SNTG1: variants seen among roughly 807,000 people sequenced by gnomAD.
The protein encoded by SNTG1 is syntrophin gamma 1.
SNTG1 carries 39 observed loss-of-function variants against 74.7 expected under a neutral mutation model. The observed-to-expected ratio is 0.52, with a 90% CI of 0.40 to 0.68. SNTG1 has a LOEUF of 0.68. Ranked by LOEUF, SNTG1 falls within the 30% of genes least tolerant of loss-of-function variation. The pLI is 0.00. For synonymous variants in SNTG1, 254 were observed against 217.1 expected, an observed-to-expected ratio of 1.17 and a Z score of -1.49; for missense variants, 685 against 609.5, an observed-to-expected ratio of 1.12 and a Z score of -1.30.
chr8:50,764,987 G>A (rs769701941), intron 18 of SNTG1, among the ~76,000 whole-genome samples: 4 of 151,804 alleles, frequency 2.6e-5, no homozygotes, highest in Non-Finnish European at 4.4e-5. Context: ...AGAATCTGGG[G>A]GACATTATGC....
At chr8:49,984,086 T>A (rs1424410167) in intron 1 of SNTG1, among the ~76,000 whole-genome samples, 5 of 152,244 alleles carry the variant, frequency 3.3e-5, no homozygotes, top group African/African-American at 1.2e-4. Context: ...CTGTTTGGAA[T>A]GAAGCTCAAA....
chr8:50,152,676 G>T (rs1015765166), intron 1 of SNTG1, among the ~76,000 whole-genome samples: 1 of 152,122 alleles, frequency 6.6e-6, no homozygotes, highest in Non-Finnish European at 1.5e-5. Context: ...AACTTAATTT[G>T]ACTGGATATG....
intron 2 of SNTG1, among the ~76,000 whole-genome samples, chr8:50,196,809 A>C (rs552038862): frequency 9.9e-5 from 15 of 151,594 alleles, no homozygotes; most frequent in African/African-American, 3.1e-4. Flanking sequence ...ATACAAAAAA[A>C]AAAAAACAAA....
At chr8:50,058,924 T>C (rs536323732) in intron 1 of SNTG1, among the ~76,000 whole-genome samples, 1 of 152,224 alleles carries the variant, frequency 6.6e-6, no homozygotes, top group Admixed American at 6.6e-5. Context: ...CCTTAACCCC[T>C]AGTAAGCAAT....
chr8:50,196,977 G>A (rs1431847561), intron 2 of SNTG1, among the ~76,000 whole-genome samples: 1 of 151,850 alleles, frequency 6.6e-6, no homozygotes, highest in Non-Finnish European at 1.5e-5. Context: ...GCCAGATTCT[G>A]TCTCAAAATA....
At chr8:50,342,748 A>G (rs16914726) in intron 2 of SNTG1, among the ~76,000 whole-genome samples, 7,310 of 152,244 alleles carry the variant, frequency 0.048, 390 homozygotes, top group South Asian at 0.16. Context: ...TTTGCAAGAA[A>G]AAAAGGATCA....
At position 50,702,238 on chromosome 8, in the gene SNTG1, G is replaced by A. The variant is rs535835766; in HGVS notation, c.1039-2362G>A. 7.2e-5 allele frequency among the ~76,000 whole-genome samples: 11 copies of A among 152,124 alleles called. 1 individual carries two copies. Among genetic ancestry groups the A allele is most frequent in the African/African-American group, 2.6e-4 (11 of 41,510 alleles). On this transcript the variant is annotated intron_variant, in intron 15 of 18. Transcript: ENST00000642720. The stretch of plus-strand genomic sequence containing the variant: ...ATTATCTCTCATTGTTCCCTCCATA[G>A]ATATTATAACCCCAAAACTACTAAA...
intron 1 of SNTG1, among the ~76,000 whole-genome samples, chr8:50,075,017 CAG>C (rs1001094739): frequency 2.0e-5 from 3 of 152,226 alleles, no homozygotes; most frequent in African/African-American, 7.2e-5. Flanking sequence ...CCAGCAGCTG[CAG>C]AGGGTACACT....
chr8:50,543,137 GA>G (rs2094360491), intron 11 of SNTG1, among the ~76,000 whole-genome samples: 1 of 152,078 alleles, frequency 6.6e-6, no homozygotes, highest in African/African-American at 2.4e-5. Flanking sequence ...ACGTCTTACA[GA>G]AAACATCTTA....
chr8:50,263,012 G>T (rs991726617), intron 2 of SNTG1, among the ~76,000 whole-genome samples: 1 of 152,074 alleles, frequency 6.6e-6, no homozygotes, highest in African/African-American at 2.4e-5. Context: ...AAAATACTCC[G>T]TTTAGCAGTC....
At chr8:50,478,333 T>C (rs2093712760) in intron 8 of SNTG1, among the ~76,000 whole-genome samples, 1 of 152,224 alleles carries the variant, frequency 6.6e-6, no homozygotes, top group Admixed American at 6.5e-5. Context: ...GCTTTAGGAT[T>C]AATCTTGTAT....
intron 1 of SNTG1, among the ~76,000 whole-genome samples, chr8:50,050,161 C>A (rs1563522903): frequency 6.6e-6 from 1 of 151,554 alleles, no homozygotes; most frequent in South Asian, 2.1e-4. Flanking sequence ...AAAGCAAAGG[C>A]TGGCTCTTTG....
chr8:50,013,487 ATAG>A (rs1165730600), intron 1 of SNTG1, among the ~76,000 whole-genome samples: 4 of 151,844 alleles, frequency 2.6e-5, no homozygotes, highest in Non-Finnish European at 5.9e-5. Context: ...AGATAGATAG[ATAG>A]ATAGATAGAT....
At chr8:50,476,159 T>C (rs1290670905) in intron 8 of SNTG1, among the ~76,000 whole-genome samples, 1 of 152,182 alleles carries the variant, frequency 6.6e-6, no homozygotes, top group Non-Finnish European at 1.5e-5. Flanking sequence ...TACTTAATTA[T>C]GGTTCCAAAG....
At chr8:49,947,860 G>C (rs1290824416) in intron 1 of SNTG1, among the ~76,000 whole-genome samples, 1 of 152,196 alleles carries the variant, frequency 6.6e-6, no homozygotes, top group African/African-American at 2.4e-5. Context: ...GCCTGGCGCG[G>C]TGGCTCATGC....
At chr8:50,629,396 T>A (rs1252062829) in intron 13 of SNTG1, among the ~76,000 whole-genome samples, 1 of 152,132 alleles carries the variant, frequency 6.6e-6, no homozygotes, top group South Asian at 2.1e-4. Context: ...TCAAATGAGA[T>A]GATTTTTTTC....
intron 1 of SNTG1, among the ~76,000 whole-genome samples, chr8:49,932,564 A>G (rs1213441295): frequency 1.3e-5 from 2 of 152,056 alleles, no homozygotes; most frequent in African/African-American, 4.8e-5. Flanking sequence ...AATAGTCAGA[A>G]CGTATTTAAT....
chr8:50,553,738 T>G (rs966576150), intron 12 of SNTG1, among the ~76,000 whole-genome samples: 3 of 152,188 alleles, frequency 2.0e-5, no homozygotes, highest in African/African-American at 7.2e-5. Flanking sequence ...GTAGCTATCT[T>G]CTCATTATTT....
At chr8:50,219,373 TAAG>T (rs1161338130) in intron 2 of SNTG1, among the ~76,000 whole-genome samples, 2 of 152,120 alleles carry the variant, frequency 1.3e-5, no homozygotes, top group South Asian at 2.1e-4. Context: ...TCACATGAAA[TAAG>T]AAGATATAAG....
Sources: allele counts gnomAD v4.1 joint callset (sites outside exome capture counted in the v4.1 genomes callset), GRCh38; gene constraint gnomAD v4.1.1; transcripts MANE v1.5; gene names NCBI Gene and HGNC (gene_info 2026-07-23, HGNC 2026-07-21).